The following RHOBTB3 variants were observed in gnomAD, a reference collection of about 807,000 sequenced individuals.
The protein encoded by RHOBTB3 is rho-related BTB domain-containing protein 3.
RHOBTB3 carries 47 observed loss-of-function variants against 67.2 expected under a neutral mutation model. That is an observed-to-expected ratio of 0.70 (90% CI 0.55 to 0.89). RHOBTB3 has a LOEUF of 0.89. Ranked by LOEUF, RHOBTB3 falls within the 40% of genes least tolerant of loss-of-function variation. The pLI, the probability that RHOBTB3 is intolerant of heterozygous loss-of-function variation, is 0.00. For synonymous variants in RHOBTB3, 273 were observed against 274.2 expected (o/e 1.00, Z 0.04); for missense variants, 631 against 750.0 (o/e 0.84, Z 1.85).
intron 2 of RHOBTB3, among the ~76,000 whole-genome samples, chr5:95,733,025 TAAA>T (rs1222668187): frequency 6.6e-6 from 1 of 152,120 alleles, no homozygotes; most frequent in South Asian, 2.1e-4. Flanking sequence ...ACAGCAATAT[TAAA>T]AAAACTGAAT....
chr5:95,732,256 AG>A (rs1293912904), intron 2 of RHOBTB3, 172 bp downstream of exon 2: 1 of 657,138 alleles, frequency 1.5e-6, no homozygotes, highest in Non-Finnish European at 2.7e-6. Flanking sequence ...GGCAGGGAAC[AG>A]CCCTGTCAGA....
chr5:95,789,392 G>A (rs1746310853), intron 11 of RHOBTB3: 1 of 152,388 alleles, frequency 6.6e-6, no homozygotes, highest in East Asian at 1.9e-4. Flanking sequence ...TACTGGGAGT[G>A]TATGTAATAT....
At chr5:95,759,036 G>GT (rs1745322967) in intron 6 of RHOBTB3, among the ~76,000 whole-genome samples, 2 of 152,254 alleles carry the variant, frequency 1.3e-5, no homozygotes, top group African/African-American at 4.8e-5. Context: ...TCAGTGCCCT[G>GT]TGTGTCCCTG....
intron 8 of RHOBTB3, among the ~76,000 whole-genome samples, chr5:95,777,521 T>C (rs552508643): frequency 4.6e-5 from 7 of 152,322 alleles, no homozygotes; most frequent in Non-Finnish European, 7.4e-5. Flanking sequence ...TCAAGGAACA[T>C]GATTATCTTT....
intron 3 of RHOBTB3, among the ~76,000 whole-genome samples, chr5:95,740,375 A>G (rs1755562016): frequency 6.6e-6 from 1 of 152,222 alleles, no homozygotes; most frequent in African/African-American, 2.4e-5. Flanking sequence ...TCAACTATAC[A>G]TGGAAGTGAC....
In RHOBTB3 at chr5:95,733,144, C is replaced by T. The variant is rs936804246; in HGVS notation, c.228+1060C>T. ...TAACAGAACGAAAAGATCACTCGCT[C>T]GTGTAAGTTTTCAGTTAAAGAAGAA... is the stretch of plus-strand genomic sequence containing the variant. On this transcript the variant is annotated intron_variant, in intron 2 of 11. Coordinates refer to ENST00000379982, the MANE Select transcript of RHOBTB3 (RefSeq NM_014899.4). 4.6e-5 allele frequency among the ~76,000 whole-genome samples: 7 copies of T among 152,116 alleles called. 1 individual carries two copies. Among genetic ancestry groups the T allele is most frequent in the Admixed American group, 1.3e-4 (2 of 15,288 alleles).
At chr5:95,767,608 G>A (rs1745585260) in intron 7 of RHOBTB3, 1 of 511,488 alleles carries the variant, frequency 2.0e-6, no homozygotes, top group African/African-American at 1.9e-5. Context: ...CGGGATTATA[G>A]GCATGAGCCA....
At chr5:95,769,918 C>A in intron 8 of RHOBTB3, 1 of 366,924 alleles carries the variant, frequency 2.7e-6, no homozygotes. Context: ...AAAGCTGGTC[C>A]TCAGGTTATA....
intron 8 of RHOBTB3, among the ~76,000 whole-genome samples, chr5:95,777,557 T>C (rs1384269011): frequency 6.6e-6 from 1 of 152,228 alleles, no homozygotes. Context: ...ATCTTCCATT[T>C]CCTTAAGTAA....
chr5:95,736,812 AAATT>A (rs1285236481), intron 2 of RHOBTB3, 73 bp from the exon 3 acceptor site: 14 of 1,008,212 alleles, frequency 1.4e-5, no homozygotes, highest in African/African-American at 1.2e-4. Context: ...TGAATTCCAA[AAATT>A]AATGTCATAA....
chr5:95,784,186 T>C (rs1245355579), intron 10 of RHOBTB3, among the ~76,000 whole-genome samples: 2 of 152,190 alleles, frequency 1.3e-5, no homozygotes, highest in Admixed American at 6.5e-5. Flanking sequence ...AATGTCCAGA[T>C]ACGGAATTTT....
At chr5:95,758,581 G>A (rs1195783897) in intron 6 of RHOBTB3, among the ~76,000 whole-genome samples, 1 of 152,194 alleles carries the variant, frequency 6.6e-6, no homozygotes, top group Non-Finnish European at 1.5e-5. Flanking sequence ...TGTGGTTGCA[G>A]GGTGGAACAG....
chr5:95,778,401 T>C (rs1392423279), intron 8 of RHOBTB3, among the ~76,000 whole-genome samples: 1 of 134,714 alleles, frequency 7.4e-6, no homozygotes. Context: ...AGTTGCAGGG[T>C]TTTTTTTTTT....
chr5:95,783,594 A>G, intron 9 of RHOBTB3: 1 of 297,248 alleles, frequency 3.4e-6, no homozygotes, highest in Non-Finnish European at 6.2e-6. Flanking sequence ...AAGAAGAAGA[A>G]GAAAGGAAAG....
intron 11 of RHOBTB3, among the ~76,000 whole-genome samples, chr5:95,792,749 G>A (rs1456253381): frequency 7.5e-5 from 11 of 146,892 alleles, no homozygotes; most frequent in Non-Finnish European, 1.5e-4. Context: ...CTGAGATCAC[G>A]CCACTGCACT....
At chr5:95,769,679 T>C (rs1296247809) in intron 8 of RHOBTB3, 1 of 170,600 alleles carries the variant, frequency 5.9e-6, no homozygotes, top group Non-Finnish European at 1.2e-5. Context: ...GCATATCTTA[T>C]TAATGTATCG....
At chr5:95,747,456 A>G (rs559092463) in intron 3 of RHOBTB3, among the ~76,000 whole-genome samples, 2 of 152,194 alleles carry the variant, frequency 1.3e-5, no homozygotes, top group Non-Finnish European at 2.9e-5. Flanking sequence ...CATTTCTAGA[A>G]ATGAATTTAC....
At position 95,756,411 on chromosome 5, in the gene RHOBTB3, T is replaced by C. The variant is rs142400930; in HGVS notation, c.1048+650T>C. Among the ~76,000 whole-genome samples, 408 of 152,380 alleles carry C rather than the reference T, an allele frequency of 2.7e-3. 1 individual carries two copies. Among genetic ancestry groups the C allele is most frequent in the African/African-American group, 9.4e-3 (391 of 41,594 alleles). On this transcript the variant is annotated intron_variant, in intron 6 of 11. Coordinates refer to ENST00000379982, the MANE Select transcript of RHOBTB3 (RefSeq NM_014899.4). ...TTTTGTTTACCCATTCATTCATCCATGGACGCTTGGGTTGCTTCCACTGTT... is the reference window on the plus strand; with the variant it reads ...TTTTGTTTACCCATTCATTCATCCACGGACGCTTGGGTTGCTTCCACTGTT...
At position 95,780,282 on chromosome 5, in the gene RHOBTB3, T is replaced by G; in HGVS notation, c.1313T>G (p.Leu438Arg). 1 of 1,613,928 alleles carries G rather than the reference T, an allele frequency of 6.2e-7. No homozygotes were observed. Among genetic ancestry groups the G allele is most frequent in the Non-Finnish European group, 8.5e-7 (1 of 1,179,794 alleles). ...GTTVPAHRAI[L>R]VARCEVMAAM... Reference sequence around the variant, plus strand: ...ACAGTGCCAGCCCACAGGGCCATCCTGGTGGCCCGTTGTGAAGTGATGGCA... The same window carrying G: ...ACAGTGCCAGCCCACAGGGCCATCCGGGTGGCCCGTTGTGAAGTGATGGCA... The change falls in exon 9 of 12, where the codon CTG (leucine) becomes CGG (arginine). Residue 438 changes from leucine to arginine, a missense_variant. Transcript: ENST00000379982.
Sources: gnomAD v4.1 joint callset for allele counts (sites outside exome capture counted in the v4.1 genomes callset) on GRCh38, gnomAD v4.1.1 for gene constraint, MANE v1.5 for transcripts, NCBI Gene and HGNC (gene_info 2026-07-23, HGNC 2026-07-21) for gene names.